IQGAP1: variants seen among roughly 807,000 people sequenced by gnomAD.
IQGAP1 encodes the protein IQ motif containing GTPase activating protein 1, also known as ras GTPase-activating-like protein IQGAP1.
A neutral mutation model predicts 215.6 loss-of-function variants in IQGAP1; 66 were observed. That is an observed-to-expected ratio of 0.31 (90% CI 0.25 to 0.38). The LOEUF is 0.38. Among genes scored for constraint, IQGAP1 ranks in the 10% least tolerant of loss-of-function variants. The pLI is 1.00. For missense variants in IQGAP1, 1,712 were observed against 1,997.1 expected (o/e 0.86, Z 2.72); for synonymous variants, 772 against 728.7 (o/e 1.06, Z -0.96).
At chr15:90,469,526 CTG>C (rs1380803017) in intron 18 of IQGAP1, among the ~76,000 whole-genome samples, 3 of 152,178 alleles carry the variant, frequency 2.0e-5, no homozygotes, top group African/African-American at 7.2e-5. Context: ...TCATTGAACT[CTG>C]TTCTGGGCAT....
chr15:90,484,293 G>A lies in IQGAP1; in HGVS notation c.3862G>A (p.Val1288Ile). Residue 1288 changes from valine to isoleucine, a missense_variant, in exon 30 of 38, where the codon GTA (valine) becomes ATA (isoleucine). Val to Ile is a conservative substitution (Grantham distance 29). Coordinates refer to ENST00000268182, the MANE Select transcript of IQGAP1 (RefSeq NM_003870.4). Reference sequence around the variant, plus strand: ...TAATGTGGATGAGTACTCTGATTTAGTAACCCTCACCAAACCAGTAATCTA... The same window carrying A: ...TAATGTGGATGAGTACTCTGATTTAATAACCCTCACCAAACCAGTAATCTA... ...KFNVDEYSDL[V>I]TLTKPVIYIS... The A allele has an allele frequency of 1.3e-5, 21 of 1,612,978 alleles. No homozygotes were observed. The highest frequency in any genetic ancestry group is 1.8e-5 in the Non-Finnish European group (21 of 1,179,090).
At chr15:90,431,856 C>T (rs1485178337) in intron 4 of IQGAP1, among the ~76,000 whole-genome samples, 5 of 152,122 alleles carry the variant, frequency 3.3e-5, no homozygotes, top group African/African-American at 1.2e-4. Flanking sequence ...ATAGAAAATT[C>T]ATGCAGTCAT....
rs1199722349 is a variant in IQGAP1, at chr15:90,502,067, T to C, written c.*1959T>C. The C allele has an allele frequency of 1.3e-5, 2 of 152,658 alleles. No individual in the cohort carries two copies. The highest frequency in any genetic ancestry group is 4.8e-5 in the African/African-American group (2 of 41,452). The allele number at this position is 152,658 out of a possible 1,614,324, so 9.5% of individuals were successfully genotyped here. ...ACACAGTTCTCATTACTGTTATTTA[T>C]TAGCTGTAGCATTCTCTGTCTCCTC... is the stretch of plus-strand genomic sequence containing the variant. On this transcript the variant is annotated 3_prime_UTR_variant, in exon 38 of 38. Coordinates refer to ENST00000268182, the MANE Select transcript of IQGAP1 (RefSeq NM_003870.4).
intron 2 of IQGAP1, among the ~76,000 whole-genome samples, chr15:90,414,730 T>G (rs1357362313): frequency 6.6e-6 from 1 of 152,180 alleles, no homozygotes; most frequent in Non-Finnish European, 1.5e-5. Context: ...TCTACTCTTG[T>G]GGTGCCATTT....
chr15:90,473,612 T>G (rs1965935458), intron 19 of IQGAP1, 103 bp from the exon 20 acceptor site: 1 of 783,632 alleles, frequency 1.3e-6, no homozygotes, highest in South Asian at 1.7e-5. Flanking sequence ...TAAAACTTCA[T>G]CATGAAATTG....
At chr15:90,438,705 A>G (rs1001916180) in intron 5 of IQGAP1, among the ~76,000 whole-genome samples, 1 of 151,992 alleles carries the variant, frequency 6.6e-6, no homozygotes, top group Admixed American at 6.6e-5. Flanking sequence ...GACACTTCAC[A>G]TTATATTAAC....
intron 25 of IQGAP1, among the ~76,000 whole-genome samples, 154 bp from the exon 26 acceptor site, chr15:90,477,511 C>A (rs2151033673): frequency 6.6e-6 from 1 of 151,392 alleles, no homozygotes; most frequent in African/African-American, 2.4e-5. Context: ...CCAATCATGA[C>A]CACGATTGAG....
At chr15:90,445,806 G>A (rs1965519738) in intron 9 of IQGAP1, among the ~76,000 whole-genome samples, 1 of 151,216 alleles carries the variant, frequency 6.6e-6, no homozygotes, top group African/African-American at 2.4e-5. Context: ...AATTGCATAG[G>A]ATTGGAGTTT....
chr15:90,485,697 C>G (rs1966116956), intron 30 of IQGAP1, among the ~76,000 whole-genome samples: 2 of 152,128 alleles, frequency 1.3e-5, no homozygotes, highest in Admixed American at 1.3e-4. Flanking sequence ...GCCTTGGCTT[C>G]CCAAAATGCT....
chr15:90,394,577 G>A (rs1964686415), intron 2 of IQGAP1, among the ~76,000 whole-genome samples: 1 of 152,108 alleles, frequency 6.6e-6, no homozygotes, highest in Non-Finnish European at 1.5e-5. Flanking sequence ...TTGGTGAACC[G>A]GCCTGTATCT....
intron 18 of IQGAP1, among the ~76,000 whole-genome samples, chr15:90,470,756 CAAT>C (rs1456225315): frequency 6.6e-6 from 1 of 152,112 alleles, no homozygotes; most frequent in African/African-American, 2.4e-5. Context: ...TAGAATTCAT[CAAT>C]AACCTTTTAA....
Position 90,472,830 on chromosome 15 carries a change from G to A in IQGAP1, c.2179-10G>A. 6.3e-7 allele frequency: 1 copy of A among 1,596,634 alleles called. No individual in the cohort carries two copies. Among genetic ancestry groups the A allele is most frequent in the Non-Finnish European group, 8.6e-7 (1 of 1,169,314 alleles). On this transcript the variant is annotated splice_polypyrimidine_tract_variant and intron_variant, in intron 18 of 37. Coordinates refer to ENST00000268182, the MANE Select transcript of IQGAP1 (RefSeq NM_003870.4). The stretch of plus-strand genomic sequence containing the variant: ...GTGAATGTCTTTGAATGTGACCACT[G>A]CTTTTTCAGAGTTCTATCTCTGGGG...
At chr15:90,413,982 C>G (rs1856120471) in intron 2 of IQGAP1, among the ~76,000 whole-genome samples, 1 of 152,100 alleles carries the variant, frequency 6.6e-6, no homozygotes, top group Admixed American at 6.5e-5. Context: ...TTCTTTTGTT[C>G]TTATTCCTGT....
intron 2 of IQGAP1, among the ~76,000 whole-genome samples, chr15:90,418,697 G>C (rs1965089011): frequency 6.6e-6 from 1 of 152,194 alleles, no homozygotes; most frequent in Non-Finnish European, 1.5e-5. Context: ...CTCTCCCTTA[G>C]TGCTTGATAG....
chr15:90,494,611 T>C (rs564015080), intron 35 of IQGAP1, 102 bp from the exon 36 acceptor site: 2 of 948,870 alleles, frequency 2.1e-6, no homozygotes, highest in Middle Eastern at 2.3e-4. Context: ...CTTATGCTTA[T>C]GTCTGGAAGT....
intron 15 of IQGAP1, among the ~76,000 whole-genome samples, chr15:90,464,010 A>G (rs1965797068): frequency 6.6e-6 from 1 of 152,174 alleles, no homozygotes; most frequent in Admixed American, 6.5e-5. Flanking sequence ...GAAACGTTTC[A>G]CTTTGCCTCA....
At chr15:90,423,934 C>T (rs1965184317) in intron 2 of IQGAP1, among the ~76,000 whole-genome samples, 1 of 152,190 alleles carries the variant, frequency 6.6e-6, no homozygotes, top group Non-Finnish European at 1.5e-5. Flanking sequence ...CCTCTGGTAA[C>T]TGGCTCTGAT....
At chr15:90,408,127 C>T (rs1258103058) in intron 2 of IQGAP1, among the ~76,000 whole-genome samples, 2 of 152,152 alleles carry the variant, frequency 1.3e-5, no homozygotes, top group Non-Finnish European at 2.9e-5. Flanking sequence ...CTCTGTGCTC[C>T]TTTAGAGTTG....
In IQGAP1 at chr15:90,499,987, G is replaced by GTT. The variant is rs1555443016; in HGVS notation, c.4861-7_4861-6dup. ...GTTTTGTTTTGTTTTGTTTTGTTTT[G>GTT]TTAATAGGACCTGCTGCAGCTACAG... On this transcript the variant is annotated splice_polypyrimidine_tract_variant and splice_region_variant and intron_variant, in intron 37 of 37. Coordinates refer to ENST00000268182, the MANE Select transcript of IQGAP1 (RefSeq NM_003870.4). The GTT allele has an allele frequency of 1.5e-6, 2 of 1,308,058 alleles. No homozygotes were observed. Among genetic ancestry groups the GTT allele is most frequent in the African/African-American group, 2.9e-5 (2 of 67,804 alleles). 81.0% of individuals were successfully genotyped at this position (1,308,058 alleles called of 1,614,324 possible).
Sources: gnomAD v4.1 joint callset for allele counts (sites outside exome capture counted in the v4.1 genomes callset) on GRCh38, gnomAD v4.1.1 for gene constraint, MANE v1.5 for transcripts, NCBI Gene and HGNC (gene_info 2026-07-23, HGNC 2026-07-21) for gene names.